The following ARL15 variants were observed in gnomAD, a reference collection of about 807,000 sequenced individuals.
ARL15 encodes the protein ADP-ribosylation factor-like protein 15.
ARL15 carries 19 observed loss-of-function variants against 25.2 expected under a neutral mutation model. The observed-to-expected ratio is 0.75, with a 90% CI of 0.53 to 1.10. The LOEUF is 1.10. ARL15 is among the 50% of genes least tolerant of loss of function. ARL15 has a pLI of 0.00. For missense variants in ARL15, 220 were observed against 246.0 expected (o/e 0.89, Z 0.71); for synonymous variants, 94 against 86.8 (o/e 1.08, Z -0.46).
chr5:54,092,923 T>C (rs1441461185), intron 4 of ARL15, among the ~76,000 whole-genome samples: 1 of 152,218 alleles, frequency 6.6e-6, no homozygotes, highest in African/African-American at 2.4e-5. Context: ...CAATATATCA[T>C]AAATTTTAAA....
intron 4 of ARL15, among the ~76,000 whole-genome samples, chr5:54,017,616 C>G (rs537232791): frequency 6.7e-6 from 1 of 149,310 alleles, no homozygotes; most frequent in Non-Finnish European, 1.5e-5. Context: ...CCAAACCAAA[C>G]CAAAGCAACA....
chr5:54,254,801 A>G (rs1364472240), intron 1 of ARL15, among the ~76,000 whole-genome samples: 1 of 152,260 alleles, frequency 6.6e-6, no homozygotes, highest in Non-Finnish European at 1.5e-5. Flanking sequence ...ATGTTATCAC[A>G]AAATTGTTTA....
intron 4 of ARL15, among the ~76,000 whole-genome samples, chr5:54,006,754 T>A (rs528442119): frequency 3.3e-5 from 5 of 152,314 alleles, no homozygotes; most frequent in African/African-American, 1.2e-4. Context: ...CTTCTATACC[T>A]TTTGAATTTT....
intron 2 of ARL15, among the ~76,000 whole-genome samples, chr5:54,171,428 A>T (rs184768579): frequency 2.8e-4 from 42 of 152,258 alleles, no homozygotes; most frequent in African/African-American, 1.0e-3. Context: ...GTGTGTGGCC[A>T]AGAAACATAG....
intron 1 of ARL15, among the ~76,000 whole-genome samples, chr5:54,249,642 A>G (rs1757187840): frequency 6.7e-6 from 1 of 150,374 alleles, no homozygotes; most frequent in East Asian, 2.0e-4. Context: ...TCTGAGAGTA[A>G]GAAAGGAGAA....
intron 4 of ARL15, among the ~76,000 whole-genome samples, chr5:54,004,232 C>T (rs909584180): frequency 3.3e-5 from 5 of 152,146 alleles, no homozygotes; most frequent in South Asian, 2.1e-4. Context: ...TGGTGGCTCA[C>T]GCCTGTAATC....
intron 4 of ARL15, among the ~76,000 whole-genome samples, chr5:54,082,072 C>T (rs1293074166): frequency 6.4e-5 from 5 of 78,102 alleles, no homozygotes; most frequent in African/African-American, 2.5e-4. Context: ...GCCTGGGTAA[C>T]AAAAAAAAAA....
intron 4 of ARL15, among the ~76,000 whole-genome samples, chr5:54,101,700 T>C (rs1324157094): frequency 2.0e-5 from 3 of 152,178 alleles, no homozygotes; most frequent in Non-Finnish European, 4.4e-5. Flanking sequence ...AGGCCATTCA[T>C]TACTCAAGTA....
intron 4 of ARL15, among the ~76,000 whole-genome samples, chr5:53,928,231 T>C (rs1416068594): frequency 6.6e-6 from 1 of 152,206 alleles, no homozygotes; most frequent in East Asian, 1.9e-4. Flanking sequence ...GTATGATTTA[T>C]GGTTGCTTAG....
chr5:54,301,824 A>T (rs1006193115), intron 1 of ARL15, among the ~76,000 whole-genome samples: 1 of 152,224 alleles, frequency 6.6e-6, no homozygotes, highest in Non-Finnish European at 1.5e-5. Context: ...AGACATGGAC[A>T]TAATTAGTGG....
chr5:54,229,366 G>A (rs1010607740), intron 1 of ARL15, among the ~76,000 whole-genome samples: 14 of 152,156 alleles, frequency 9.2e-5, no homozygotes, highest in African/African-American at 3.4e-4. Flanking sequence ...CTGCCCCCTG[G>A]TGGCTGGTGG....
At chr5:54,140,886 G>C (rs1365162106) in intron 3 of ARL15, among the ~76,000 whole-genome samples, 3 of 152,046 alleles carry the variant, frequency 2.0e-5, no homozygotes, top group Admixed American at 2.0e-4. Context: ...TAGGAATTAT[G>C]CTAATATATT....
intron 3 of ARL15, among the ~76,000 whole-genome samples, chr5:54,119,135 G>A (rs1337968515): frequency 6.6e-6 from 1 of 152,030 alleles, no homozygotes; most frequent in East Asian, 1.9e-4. Flanking sequence ...ACGGCTCTTT[G>A]CACAGCTCCA....
chr5:54,204,296 G>T (rs530977495), intron 1 of ARL15, among the ~76,000 whole-genome samples: 1 of 152,042 alleles, frequency 6.6e-6, no homozygotes, highest in Non-Finnish European at 1.5e-5. Context: ...TATTATCTAC[G>T]CCAGACTCCA....
rs140686926 is a variant in ARL15 at position 54,052,127 on chromosome 5, G to A, written c.462+61075C>T. Among the ~76,000 whole-genome samples the A allele has an allele frequency of 8.7e-4, 132 of 152,252 alleles. No individual in the cohort carries two copies. The East Asian group carries it at 0.023, about 27-fold the overall frequency. On this transcript the variant is annotated intron_variant, in intron 4 of 4. Coordinates refer to ENST00000504924, the MANE Select transcript of ARL15 (RefSeq NM_019087.3). ...GGTCTGTGGATGCCATGGGTTCAGA[G>A]TGGGAGAGACAAATATGTAAAACAT...
rs78276650 is a variant in ARL15 at position 53,935,738 on chromosome 5, G to A, written c.463-49025C>T. On this transcript the variant is annotated intron_variant, in intron 4 of 4. Transcript: ENST00000504924. Reference sequence around the variant, plus strand: ...AACCACAGATCCATATAATCTCTGAGGTTTGTTTTTTTGTTTGTTTGGTTT... The same window carrying A: ...AACCACAGATCCATATAATCTCTGAAGTTTGTTTTTTTGTTTGTTTGGTTT... Among the ~76,000 whole-genome samples the A allele has an allele frequency of 5.2e-3, 786 of 152,232 alleles. 7 individuals carry two copies. The highest frequency in any genetic ancestry group is 0.017 in the Middle Eastern group (5 of 294).
At chr5:53,917,331 T>C (rs534375049) in intron 4 of ARL15, among the ~76,000 whole-genome samples, 10 of 152,200 alleles carry the variant, frequency 6.6e-5, no homozygotes, top group Non-Finnish European at 1.5e-4. Context: ...TGATGGAGAA[T>C]TACTCCATTG....
intron 1 of ARL15, among the ~76,000 whole-genome samples, chr5:54,303,673 A>C (rs1280472039): frequency 6.9e-6 from 1 of 145,070 alleles, no homozygotes; most frequent in East Asian, 2.0e-4. Context: ...AAAAAAAAAG[A>C]AGAAGAAGAG....
At chr5:54,024,892 T>A (rs1749736754) in intron 4 of ARL15, among the ~76,000 whole-genome samples, 1 of 152,188 alleles carries the variant, frequency 6.6e-6, no homozygotes, top group Non-Finnish European at 1.5e-5. Flanking sequence ...AAACATTTTT[T>A]ATGCATTTAC....
Sources: allele counts gnomAD v4.1 joint callset (sites outside exome capture counted in the v4.1 genomes callset), GRCh38; gene constraint gnomAD v4.1.1; transcripts MANE v1.5; gene names NCBI Gene and HGNC (gene_info 2026-07-23, HGNC 2026-07-21).